AFG2A: variants seen among roughly 807,000 people sequenced by gnomAD.
AFG2A encodes AAA ATPase AFG2A.
the AFG2A span, among the ~76,000 whole-genome samples, chr4:123,272,548 G>T: frequency 6.6e-6 from 1 of 152,074 alleles, no homozygotes; most frequent in Non-Finnish European, 1.5e-5. Context: ...TTCAGCAGAA[G>T]TAGACCTTTA....
At chr4:122,996,565 G>A in the AFG2A span, among the ~76,000 whole-genome samples, 12 of 128,326 alleles carry the variant, frequency 9.4e-5, no homozygotes, top group Middle Eastern at 3.8e-3. Context: ...AGCTAGGTAG[G>A]TAGGCAGATA....
the AFG2A span, among the ~76,000 whole-genome samples, chr4:123,259,679 C>T: frequency 6.6e-6 from 1 of 152,072 alleles, no homozygotes; most frequent in African/African-American, 2.4e-5. Flanking sequence ...GCAATTCCAC[C>T]TCATTTATTC....
chr4:123,183,932 T>TCA, the AFG2A span, among the ~76,000 whole-genome samples: 244 of 115,748 alleles, frequency 2.1e-3, 2 homozygotes, highest in African/African-American at 3.4e-3. Flanking sequence ...GCTTGCTTAT[T>TCA]TATTCATTCA....
At chr4:122,977,182 G>A in the AFG2A span, among the ~76,000 whole-genome samples, 1 of 152,122 alleles carries the variant, frequency 6.6e-6, no homozygotes, top group Non-Finnish European at 1.5e-5. Context: ...CTCTGTGGCC[G>A]GTGGCACCTC....
chr4:122,932,907 TAG>T, the AFG2A span, among the ~76,000 whole-genome samples: 1 of 152,364 alleles, frequency 6.6e-6, no homozygotes, highest in South Asian at 2.1e-4. Flanking sequence ...AGTTATTAAT[TAG>T]AGTCTTTCTC....
At chr4:123,148,803 C>T in the AFG2A span, among the ~76,000 whole-genome samples, 1 of 146,896 alleles carries the variant, frequency 6.8e-6, no homozygotes, top group Non-Finnish European at 1.5e-5. Flanking sequence ...GAGTCTCGCT[C>T]TGTCGACCAG....
the AFG2A span, among the ~76,000 whole-genome samples, chr4:122,957,705 A>T: frequency 6.6e-6 from 1 of 152,326 alleles, no homozygotes; most frequent in Non-Finnish European, 1.5e-5. Flanking sequence ...AACTGCCTAC[A>T]CAAGTTTGAA....
chr4:123,253,702 T>G, the AFG2A span, among the ~76,000 whole-genome samples: 1 of 151,672 alleles, frequency 6.6e-6, no homozygotes, highest in Non-Finnish European at 1.5e-5. Context: ...TAGATATGGG[T>G]TTTTTCTTCT....
chr4:123,130,030 G>GT, the AFG2A span, among the ~76,000 whole-genome samples: 1 of 151,918 alleles, frequency 6.6e-6, no homozygotes, highest in Non-Finnish European at 1.5e-5. Flanking sequence ...TGTTTTTGAG[G>GT]TAGGGTCTTA....
chr4:123,303,758 C>A, the AFG2A span, among the ~76,000 whole-genome samples: 1 of 151,882 alleles, frequency 6.6e-6, no homozygotes, highest in African/African-American at 2.4e-5. Flanking sequence ...GCAACCCTGT[C>A]TTCAACAAAA....
At chr4:123,270,400 T>C in the AFG2A span, among the ~76,000 whole-genome samples, 1 of 152,222 alleles carries the variant, frequency 6.6e-6, no homozygotes, top group African/African-American at 2.4e-5. Flanking sequence ...ACTACATGTA[T>C]ACCTTCTGTG....
the AFG2A span, among the ~76,000 whole-genome samples, chr4:123,110,266 G>A: frequency 6.6e-6 from 1 of 152,074 alleles, no homozygotes; most frequent in Non-Finnish European, 1.5e-5. Context: ...CTGTGTTTTG[G>A]TGATAGTTGA....
At chr4:122,952,883 G>A in the AFG2A span, among the ~76,000 whole-genome samples, 66,203 of 151,956 alleles carry the variant, frequency 0.44, 17,099 homozygotes, top group Non-Finnish European at 0.57. Context: ...TGCCTCTCCC[G>A]CCCTCTTTAG....
At chr4:122,957,054 G>T in the AFG2A span, among the ~76,000 whole-genome samples, 1 of 152,020 alleles carries the variant, frequency 6.6e-6, no homozygotes, top group Non-Finnish European at 1.5e-5. Context: ...TGGAGTAGAT[G>T]ATATTTTAGT....
the AFG2A span, among the ~76,000 whole-genome samples, chr4:123,223,817 C>A: frequency 6.6e-6 from 1 of 152,166 alleles, no homozygotes; most frequent in African/African-American, 2.4e-5. Context: ...TGGAGACTAA[C>A]CCCTAATATT....
the AFG2A span, among the ~76,000 whole-genome samples, chr4:123,063,740 T>C: frequency 2.7e-5 from 4 of 148,056 alleles, no homozygotes; most frequent in Admixed American, 1.3e-4. Context: ...AGCGAGACTG[T>C]CTCAAAAAAA....
chr4:123,258,942 C>T, the AFG2A span, among the ~76,000 whole-genome samples: 1 of 147,780 alleles, frequency 6.8e-6, no homozygotes, highest in Admixed American at 6.8e-5. Flanking sequence ...TCTTGGCTCA[C>T]TGCAACCTCC....
At chr4:123,229,962 A>G in the AFG2A span, among the ~76,000 whole-genome samples, 1 of 151,920 alleles carries the variant, frequency 6.6e-6, no homozygotes, top group African/African-American at 2.4e-5. Flanking sequence ...CTAAAAAAAC[A>G]ATTTTTTTTA....
the AFG2A span, among the ~76,000 whole-genome samples, chr4:123,275,607 C>T: frequency 0.022 from 3,324 of 152,044 alleles, 64 homozygotes; most frequent in Non-Finnish European, 0.035. Context: ...GTAATAATCA[C>T]GGTATCTGAT....
Sources: gnomAD v4.1 joint callset for allele counts (sites outside exome capture counted in the v4.1 genomes callset) on GRCh38, gnomAD v4.1.1 for gene constraint, MANE v1.5 for transcripts, NCBI Gene and HGNC (gene_info 2026-07-23, HGNC 2026-07-21) for gene names.